PRKCSH: variants seen among roughly 807,000 people sequenced by gnomAD.
PRKCSH encodes glucosidase 2 subunit beta.
In PRKCSH, 42 loss-of-function variants were observed where a neutral mutation model predicts 79.7. The observed-to-expected ratio is 0.53, with a 90% CI of 0.41 to 0.68. The LOEUF (loss-of-function observed/expected upper bound fraction) is 0.68, where lower values mean the gene tolerates loss of function less well. Ranked by LOEUF, PRKCSH falls within the 30% of genes least tolerant of loss-of-function variation. The probability of loss-of-function intolerance (pLI) is 0.00; values close to 1 mark genes in which losing one functional copy is unlikely to be tolerated. For missense variants in PRKCSH, 686 were observed against 709.0 expected (o/e 0.97, Z 0.37); for synonymous variants, 325 against 288.2 (o/e 1.13, Z -1.29).
In PRKCSH at chr19:11,436,481, T is replaced by C. The variant is rs1157935917; in HGVS notation, c.172T>C (p.Cys58Arg). The C allele has an allele frequency of 6.2e-7, 1 of 1,614,056 alleles. No individual in the cohort carries two copies. Among genetic ancestry groups the C allele is most frequent in the Non-Finnish European group, 8.5e-7 (1 of 1,179,936 alleles). The change falls in exon 3 of 18, where the codon TGC (cysteine) becomes CGC (arginine). Residue 58 changes from cysteine to arginine, a missense_variant. Cys to Arg is a radical substitution (Grantham distance 180, BLOSUM62 -3). This residue lies in a region of PRKCSH where 549 missense variants were observed against 520.2 expected (regional missense o/e 1.06). Coordinates refer to ENST00000677123, the MANE Select transcript of PRKCSH (RefSeq NM_001289104.2). ...TCAGGTCAACGATGACTATTGCGAC[T>C]GCAAAGATGGCTCTGACGAGCCAGG... ...FDQVNDDYCD[C>R]KDGSDEPGTA...
intron 8 of PRKCSH, among the ~76,000 whole-genome samples, chr19:11,446,013 C>G (rs1414194763): frequency 1.3e-5 from 2 of 151,984 alleles, no homozygotes; most frequent in Non-Finnish European, 2.9e-5. Flanking sequence ...GGAGGTGCCA[C>G]CTGGGTGAGT....
rs1042998 is a variant in PRKCSH at position 11,450,728 on chromosome 19, C to T, written c.*99C>T. On this transcript the variant is annotated 3_prime_UTR_variant, in exon 18 of 18. Transcript: ENST00000677123. ...CTGCCTGTGGCTCTGTTGCCCTCCT[C>T]TGTGGCGGCAGGACCTTTGTGGGGC... The T allele has an allele frequency of 1.3e-5, 2 of 152,458 alleles. No homozygotes were observed. Among genetic ancestry groups the T allele is most frequent in the South Asian group, 4.1e-4 (2 of 4,828 alleles). 9.4% of individuals were successfully genotyped at this position (152,458 alleles called of 1,614,324 possible).
chr19:11,435,755 GC>G, intron 1 of PRKCSH, 49 bp downstream of exon 1: 1 of 1,364,812 alleles, frequency 7.3e-7, no homozygotes, highest in Non-Finnish European at 9.6e-7. Context: ...CTTACAGGGG[GC>G]AACCGGAGGG....
In PRKCSH at chr19:11,448,169, C is replaced by G; in HGVS notation, c.1127-53C>G. ...AGCCACATCCATGGAACCCCGTTCC[C>G]CATCCTCCTGGATGGGGTTGAGGAC... On this transcript the variant is annotated intron_variant, in intron 12 of 17. Transcript: ENST00000677123. The surrounding 1 kb of genome is among the most constrained non-coding windows in gnomAD (Gnocchi z 4.4). 6.6e-7 allele frequency: 1 copy of G among 1,521,086 alleles called. No individual in the cohort carries two copies. Among genetic ancestry groups the G allele is most frequent in the East Asian group, 2.5e-5 (1 of 40,742 alleles). 94.2% of individuals were successfully genotyped at this position (1,521,086 alleles called of 1,614,324 possible).
At chr19:11,440,780 CT>C (rs1970027636) in intron 5 of PRKCSH, among the ~76,000 whole-genome samples, 1 of 152,154 alleles carries the variant, frequency 6.6e-6, no homozygotes, top group African/African-American at 2.4e-5. Context: ...ACCAGATTGT[CT>C]TTTTGTCTGG....
chr19:11,441,394 G>A, intron 6 of PRKCSH, 37 bp downstream of exon 6: 1 of 1,589,258 alleles, frequency 6.3e-7, no homozygotes, highest in Non-Finnish European at 8.6e-7. Context: ...GGGTGATCTG[G>A]GCCTTGAGGC....
rs1333795593 is a variant in PRKCSH at position 11,438,192 on chromosome 19, C to T, written c.350+68C>T. 9.8e-6 allele frequency: 15 copies of T among 1,527,080 alleles called. No individual in the cohort carries two copies. The East Asian group carries it at 1.1e-4, about 12-fold the overall frequency. The allele number at this position is 1,527,080 out of a possible 1,614,324, so 94.6% of individuals were successfully genotyped here. On this transcript the variant is annotated intron_variant, in intron 5 of 17. Coordinates refer to ENST00000677123, the MANE Select transcript of PRKCSH (RefSeq NM_001289104.2). ...CTTTGCCTGGCTCCACCCAGTGAAT[C>T]GGGCCCACTCTCTCTTCTGCTTTTC...
At chr19:11,440,381 T>C (rs1970006223) in intron 5 of PRKCSH, among the ~76,000 whole-genome samples, 1 of 152,044 alleles carries the variant, frequency 6.6e-6, no homozygotes, top group Admixed American at 6.6e-5. Flanking sequence ...CTCGATCTCC[T>C]GACCTTGTGA....
At chr19:11,442,537 A>C in intron 7 of PRKCSH, 22 bp downstream of exon 7, 1 of 1,606,736 alleles carries the variant, frequency 6.2e-7, no homozygotes, top group Non-Finnish European at 8.5e-7. Flanking sequence ...ATGGCCAAGG[A>C]CTCACCTTCA....
chr19:11,441,370 C>A lies in PRKCSH; in HGVS notation c.468+13C>A, dbSNP rs370898082. On this transcript the variant is annotated intron_variant, in intron 6 of 17. Transcript: ENST00000677123. ...GGAGGAGAAGCAGGTAAGGAACCCG[C>A]GGGGGCTGCCCCAGGGTGATCTGGG... 2 of 1,612,238 alleles carry A rather than the reference C, an allele frequency of 1.2e-6. No homozygotes were observed. The highest frequency in any genetic ancestry group is 2.7e-5 in the African/African-American group (2 of 74,884).
At chr19:11,435,885 T>A (rs1312739692) in intron 1 of PRKCSH, 156 bp from the exon 2 acceptor site, 5 of 982,264 alleles carry the variant, frequency 5.1e-6, no homozygotes, top group Non-Finnish European at 7.5e-6. Flanking sequence ...CGCCATTGAT[T>A]TGAGCAAAGT....
At chr19:11,441,211 G>GGT in intron 5 of PRKCSH, 29 bp from the exon 6 acceptor site, 1 of 1,607,740 alleles carries the variant, frequency 6.2e-7, no homozygotes, top group South Asian at 1.1e-5. Context: ...GTGCCCCACT[G>GGT]GTGGTGCCTG....
chr19:11,436,644 GT>G, intron 3 of PRKCSH, 139 bp downstream of exon 3: 1 of 776,428 alleles, frequency 1.3e-6, no homozygotes, highest in Non-Finnish European at 2.2e-6. Context: ...AGTGGTCAGT[GT>G]TATGGCCCCG....
chr19:11,439,001 G>T (rs980392768), intron 5 of PRKCSH, among the ~76,000 whole-genome samples: 4 of 151,828 alleles, frequency 2.6e-5, no homozygotes, highest in Admixed American at 2.6e-4. Flanking sequence ...TCTGCCCTTC[G>T]GGTTCAAGCA....
rs370297588 is a variant in PRKCSH at position 11,447,029 on chromosome 19, G to T, written c.763-45G>T. On this transcript the variant is annotated intron_variant, in intron 9 of 17. Transcript: ENST00000677123. The surrounding 1 kb of genome is among the most constrained non-coding windows in gnomAD (Gnocchi z 5.6). ...GGGTGCCGGGGTGGCCGAGATGGGG[G>T]ACACGTGGTGGCCTAGATCTTGACA... 8 of 1,593,944 alleles carry T rather than the reference G, an allele frequency of 5.0e-6. No homozygotes were observed. In the African/African-American group the frequency reaches 9.4e-5, roughly 19 times the overall value.
chr19:11,436,260 G>C (rs1969731422), intron 2 of PRKCSH, 64 bp downstream of exon 2: 1 of 1,597,498 alleles, frequency 6.3e-7, no homozygotes, highest in African/African-American at 1.3e-5. Context: ...TGGGCCTTAG[G>C]GATAGGCATT....
chr19:11,442,346 G>A, intron 6 of PRKCSH, 40 bp from the exon 7 acceptor site: 5 of 1,555,288 alleles, frequency 3.2e-6, no homozygotes, highest in Non-Finnish European at 4.4e-6. Flanking sequence ...GGAGGAGGCA[G>A]AACAGAGGAG....
chr19:11,435,988 AT>A, intron 1 of PRKCSH, 52 bp from the exon 2 acceptor site: 4 of 1,295,524 alleles, frequency 3.1e-6, no homozygotes, highest in Non-Finnish European at 4.4e-6. Context: ...GAGGAATCCA[AT>A]TGGCTGGAAG....
At position 11,438,752 on chromosome 19, in the gene PRKCSH, C is replaced by T. The variant is rs1425873746; in HGVS notation, c.350+628C>T. The stretch of plus-strand genomic sequence containing the variant: ...CCTGGGCAACAGAGTGAGACTCCGT[C>T]TCAAAAAAAAAGCAAAAAAAAAAAA... On this transcript the variant is annotated intron_variant, in intron 5 of 17. Transcript: ENST00000677123. Among the ~76,000 whole-genome samples, 4 of 136,450 alleles carry T rather than the reference C, an allele frequency of 2.9e-5. No individual in the cohort carries two copies. The Admixed American group carries it at 3.0e-4, about 10-fold the overall frequency. 89.5% of individuals were successfully genotyped at this position (136,450 alleles called of 152,430 possible).
Sources: gnomAD v4.1 joint callset for allele counts (sites outside exome capture counted in the v4.1 genomes callset) on GRCh38, gnomAD v4.1.1 for gene constraint, gnomAD v4.1.1 regional missense constraint, Gnocchi (gnomAD v3.1) non-coding constraint, MANE v1.5 for transcripts, NCBI Gene and HGNC (gene_info 2026-07-23, HGNC 2026-07-21) for gene names.